TMC7: variants seen among roughly 807,000 people sequenced by gnomAD.
The protein encoded by TMC7 is transmembrane channel-like protein 7.
TMC7 carries 54 observed loss-of-function variants against 82.9 expected under a neutral mutation model. That is an observed-to-expected ratio of 0.65 (90% CI 0.52 to 0.82). TMC7 has a LOEUF of 0.82. Among genes scored for constraint, TMC7 ranks in the 40% least tolerant of loss-of-function variants. TMC7 has a pLI of 0.00. For synonymous variants in TMC7, 350 were observed against 337.9 expected (o/e 1.04, Z -0.39); for missense variants, 820 against 901.2 (o/e 0.91, Z 1.15).
chr16:19,044,856 CCCAT>C, intron 9 of TMC7, 24 bp from the exon 10 acceptor site: 1 of 1,583,030 alleles, frequency 6.3e-7, no homozygotes, highest in Middle Eastern at 1.7e-4. Flanking sequence ...GCCTCATCTT[CCCAT>C]CCTCTCTCCT....
chr16:19,020,978 G>A (rs1425289520), intron 3 of TMC7, among the ~76,000 whole-genome samples: 1 of 151,944 alleles, frequency 6.6e-6, no homozygotes, highest in Non-Finnish European at 1.5e-5. Context: ...GAAAAACTAA[G>A]GAAGACCTAA....
chr16:19,030,637 G>A (rs1232830851), intron 6 of TMC7, among the ~76,000 whole-genome samples: 4 of 151,300 alleles, frequency 2.6e-5, no homozygotes, highest in African/African-American at 9.7e-5. Context: ...GGAGTGCGGT[G>A]GCGGGATCTC....
At chr16:19,016,824 C>G (rs572645551) in intron 3 of TMC7, among the ~76,000 whole-genome samples, 39 of 152,082 alleles carry the variant, frequency 2.6e-4, no homozygotes, top group Non-Finnish European at 4.7e-4. Flanking sequence ...CTTGGAATAC[C>G]GTTAATACCC....
intron 6 of TMC7, among the ~76,000 whole-genome samples, chr16:19,031,727 A>T (rs1405142512): frequency 1.3e-5 from 2 of 152,176 alleles, no homozygotes; most frequent in Non-Finnish European, 2.9e-5. Context: ...TTTACATGAC[A>T]GTCCTGGGTG....
In TMC7 at chr16:19,009,416, G is replaced by T. The variant is rs145110118; in HGVS notation, c.311+1G>T. 8.7e-4 allele frequency: 1,396 copies of T among 1,609,962 alleles called. No individual in the cohort carries two copies. Among genetic ancestry groups the T allele is most frequent in the Non-Finnish European group, 1.1e-3 (1,289 of 1,176,826 alleles). ...ACATCTCTGAGAAGCGGAGACTAAGGTTTGTTCACTAGCCACCTGGAACCT... is the reference window on the plus strand; with the variant it reads ...ACATCTCTGAGAAGCGGAGACTAAGTTTTGTTCACTAGCCACCTGGAACCT... On this transcript the variant is annotated splice_donor_variant, in intron 2 of 15. Coordinates refer to ENST00000304381, the MANE Select transcript of TMC7 (RefSeq NM_024847.4). LOFTEE classifies it high-confidence loss of function.
chr16:19,059,950 C>A, intron 15 of TMC7: 1 of 363,382 alleles, frequency 2.8e-6, no homozygotes, highest in African/African-American at 2.1e-5. Flanking sequence ...GCACTCCAGC[C>A]TGGGTGACAG....
intron 2 of TMC7, among the ~76,000 whole-genome samples, chr16:19,012,664 C>T (rs1959427984): frequency 6.6e-6 from 1 of 151,366 alleles, no homozygotes; most frequent in Admixed American, 6.6e-5. Flanking sequence ...TGGCGGTTGC[C>T]TGTTATCCCA....
chr16:18,991,596 T>A (rs185213967), intron 1 of TMC7, among the ~76,000 whole-genome samples: 12 of 152,312 alleles, frequency 7.9e-5, no homozygotes, highest in South Asian at 2.1e-4. Context: ...CTTATTTTTT[T>A]AAATTATACT....
At chr16:18,998,452 G>A (rs111785521) in intron 1 of TMC7, among the ~76,000 whole-genome samples, 2,811 of 152,174 alleles carry the variant, frequency 0.018, 84 homozygotes, top group African/African-American at 0.062. Flanking sequence ...GATGCTCCAC[G>A]GGCATGAAAA....
At position 19,062,050 on chromosome 16, in the gene TMC7, G is replaced by C. The variant is rs919217840; in HGVS notation, c.*207G>C. The C allele has an allele frequency of 4.8e-6, 2 of 418,526 alleles. No homozygotes were observed. Among genetic ancestry groups the C allele is most frequent in the African/African-American group, 4.1e-5 (2 of 49,240 alleles). The allele number at this position is 418,526 out of a possible 1,614,324, so 25.9% of individuals were successfully genotyped here. ...ACTTAGAAAAGCAGGGGAAACCCAA[G>C]GCTTTGCCTGCAGACCGGCCACTCT... On this transcript the variant is annotated 3_prime_UTR_variant, in exon 16 of 16. Transcript: ENST00000304381.
chr16:19,042,215 T>A (rs1400051973), intron 9 of TMC7, among the ~76,000 whole-genome samples: 3 of 151,824 alleles, frequency 2.0e-5, no homozygotes, highest in Non-Finnish European at 4.4e-5. Context: ...TGAGACTGGG[T>A]CCAGGCTGGA....
chr16:19,041,466 A>G (rs890771443), intron 9 of TMC7, among the ~76,000 whole-genome samples: 1 of 151,770 alleles, frequency 6.6e-6, no homozygotes, highest in Non-Finnish European at 1.5e-5. Flanking sequence ...CCCGGGTTCA[A>G]GCGATTCTCC....
At position 19,035,790 on chromosome 16, in the gene TMC7, T is replaced by G. The variant is rs1960719072; in HGVS notation, c.972T>G (p.Asp324Glu). 1.2e-6 allele frequency: 2 copies of G among 1,607,996 alleles called. 1 individual carries two copies. The highest frequency in any genetic ancestry group is 1.7e-6 in the Non-Finnish European group (2 of 1,176,808). The change falls in exon 7 of 16, where the codon GAT (aspartate) becomes GAG (glutamate). Residue 324 changes from aspartate to glutamate, a missense_variant. Asp to Glu is a conservative substitution (Grantham distance 45). Transcript: ENST00000304381. ...GCATCACTAACCGCAGCATGGCGGA[T>G]CTGAAGCACAGCAGCTTGCGGTACG... Reference protein sequence around the residue: ...DFCITNRSMADLKHSSLRYEL... With the variant: ...DFCITNRSMAELKHSSLRYEL...
intron 3 of TMC7, among the ~76,000 whole-genome samples, chr16:19,017,667 G>GT (rs35738895): frequency 0.49 from 54,425 of 111,142 alleles, 15,122 homozygotes; most frequent in East Asian, 0.73. Flanking sequence ...TCAAAAAACA[G>GT]TTTTTTTTTT....
Position 19,030,337 on chromosome 16 carries a change from C to T in TMC7, c.825C>T (p.Ser275=). ...PLAYLLSTIA[S]LALSLLWIVK... ...CGTATTTGTTAAGCACAATCGCCTC[C>T]CTGGCCCTGAGCCTTCTTTGGATAG... is the stretch of plus-strand genomic sequence containing the variant. Residue 275 remains serine (S), a synonymous_variant, in exon 6 of 16, where the codon TCC becomes TCT. Transcript: ENST00000304381. 2 of 1,613,098 alleles carry T rather than the reference C, an allele frequency of 1.2e-6. No homozygotes were observed. Among genetic ancestry groups the T allele is most frequent in the East Asian group, 2.2e-5 (1 of 44,772 alleles).
At chr16:19,053,176 T>C (rs1168652128) in intron 13 of TMC7, among the ~76,000 whole-genome samples, 1 of 152,168 alleles carries the variant, frequency 6.6e-6, no homozygotes, top group Non-Finnish European at 1.5e-5. Flanking sequence ...TCTCCATAGG[T>C]TACGTAACAA....
intron 2 of TMC7, among the ~76,000 whole-genome samples, chr16:19,015,933 T>A (rs989315193): frequency 3.3e-5 from 5 of 152,038 alleles, no homozygotes; most frequent in African/African-American, 1.2e-4. Context: ...TACCTAGGAG[T>A]GGAACTACAT....
intron 1 of TMC7, among the ~76,000 whole-genome samples, chr16:18,989,467 G>T (rs12931957): frequency 6.8e-6 from 1 of 148,062 alleles, no homozygotes; most frequent in African/African-American, 2.5e-5. Context: ...ATAACTTTTC[G>T]GCCTCTGACC....
At chr16:19,056,332 C>T (rs1042968080) in intron 13 of TMC7, among the ~76,000 whole-genome samples, 9 of 151,954 alleles carry the variant, frequency 5.9e-5, no homozygotes, top group Non-Finnish European at 1.2e-4. Flanking sequence ...GTGATCCACC[C>T]GCCTCGGCCT....
Sources: gnomAD v4.1 joint callset for allele counts (sites outside exome capture counted in the v4.1 genomes callset) on GRCh38, gnomAD v4.1.1 for gene constraint, MANE v1.5 for transcripts, NCBI Gene and HGNC (gene_info 2026-07-23, HGNC 2026-07-21) for gene names.